DRC8: variants seen among roughly 807,000 people sequenced by gnomAD.
The protein encoded by DRC8 is dynein regulatory complex protein 8.
At chr1:244,999,380 T>C in the DRC8 span, among the ~76,000 whole-genome samples, 1 of 152,206 alleles carries the variant, frequency 6.6e-6, no homozygotes, top group Non-Finnish European at 1.5e-5. Flanking sequence ...TGTCTTTTCC[T>C]GTTTCCCTTT....
chr1:245,008,448 C>T, the DRC8 span, among the ~76,000 whole-genome samples: 3 of 152,024 alleles, frequency 2.0e-5, no homozygotes, highest in Non-Finnish European at 2.9e-5. Context: ...TGCTTCCCAA[C>T]GTGTTACTTT....
At chr1:244,996,774 T>C in the DRC8 span, among the ~76,000 whole-genome samples, 2 of 152,224 alleles carry the variant, frequency 1.3e-5, no homozygotes, top group Admixed American at 6.5e-5. Flanking sequence ...ATTATACTTA[T>C]GTTTAGCAGC....
At chr1:245,050,248 C>T in the DRC8 span, among the ~76,000 whole-genome samples, 1 of 151,976 alleles carries the variant, frequency 6.6e-6, no homozygotes, top group African/African-American at 2.4e-5. Flanking sequence ...TTTCTTTTCC[C>T]TTTTTTTATT....
chr1:245,010,898 G>A, the DRC8 span, among the ~76,000 whole-genome samples: 4 of 151,846 alleles, frequency 2.6e-5, no homozygotes, highest in Non-Finnish European at 5.9e-5. Context: ...AGCCAGGATG[G>A]TCTCGATCTT....
chr1:245,034,512 A>G, the DRC8 span, among the ~76,000 whole-genome samples: 1 of 148,210 alleles, frequency 6.7e-6, no homozygotes, highest in Non-Finnish European at 1.5e-5. Flanking sequence ...GAGGCAGGAG[A>G]ATTGCTTGAA....
the DRC8 span, among the ~76,000 whole-genome samples, chr1:245,017,026 T>A: frequency 6.6e-6 from 1 of 152,178 alleles, no homozygotes; most frequent in Non-Finnish European, 1.5e-5. Flanking sequence ...CAGTGCACCT[T>A]TACCATATGT....
the DRC8 span, among the ~76,000 whole-genome samples, chr1:245,068,915 T>G: frequency 6.6e-6 from 1 of 152,224 alleles, no homozygotes; most frequent in South Asian, 2.1e-4. Context: ...TGATCTCTCT[T>G]CTGTGCATCA....
the DRC8 span, chr1:245,002,134 A>G: frequency 6.2e-7 from 1 of 1,605,096 alleles, no homozygotes; most frequent in Non-Finnish European, 8.5e-7. Flanking sequence ...CTGGGATACA[A>G]CAGTGATGAG....
chr1:245,102,561 G>A, the DRC8 span, among the ~76,000 whole-genome samples: 3 of 152,142 alleles, frequency 2.0e-5, no homozygotes, highest in Non-Finnish European at 2.9e-5. Flanking sequence ...TGATGGCCAG[G>A]CTGGTCTCAA....
the DRC8 span, chr1:245,082,146 ATAC>A: frequency 2.5e-6 from 4 of 1,612,416 alleles, no homozygotes; most frequent in African/African-American, 4.0e-5. Flanking sequence ...GATGACAGAA[ATAC>A]TACTAGAAAG....
the DRC8 span, among the ~76,000 whole-genome samples, chr1:245,075,274 CA>C: frequency 2.0e-5 from 3 of 152,214 alleles, no homozygotes; most frequent in African/African-American, 7.2e-5. Context: ...CTCAGATAGG[CA>C]CTTAACCTCT....
At chr1:245,010,188 C>A in the DRC8 span, among the ~76,000 whole-genome samples, 13,863 of 152,136 alleles carry the variant, frequency 0.091, 819 homozygotes, top group African/African-American at 0.16. Flanking sequence ...TAGGGCCGCA[C>A]AACAAGCTTG....
the DRC8 span, among the ~76,000 whole-genome samples, chr1:245,088,403 T>C: frequency 6.6e-6 from 1 of 151,934 alleles, no homozygotes; most frequent in African/African-American, 2.4e-5. The surrounding 1 kb of genome is among the most constrained non-coding windows in gnomAD (Gnocchi z 4.6). Context: ...TACATAGATG[T>C]AAACATTTAG....
chr1:244,989,419 C>G, the DRC8 span, among the ~76,000 whole-genome samples: 1 of 152,100 alleles, frequency 6.6e-6, no homozygotes, highest in African/African-American at 2.4e-5. Context: ...ACCTCCTTGA[C>G]AGTTTTCAGA....
the DRC8 span, among the ~76,000 whole-genome samples, chr1:245,088,120 C>T: frequency 6.6e-6 from 1 of 152,162 alleles, no homozygotes; most frequent in Non-Finnish European, 1.5e-5. This position sits in a 1 kb window ranked among gnomAD's most constrained non-coding sequence, Gnocchi z 4.6. Flanking sequence ...TGCAAATGTA[C>T]AGCTCCTGAA....
chr1:244,970,479 C>A, the DRC8 span: 2 of 1,522,868 alleles, frequency 1.3e-6, no homozygotes, highest in Non-Finnish European at 1.8e-6. Context: ...CTGCCCTCGC[C>A]GCCCGCCGCG....
the DRC8 span, among the ~76,000 whole-genome samples, chr1:245,076,043 G>T: frequency 6.6e-6 from 1 of 152,202 alleles, no homozygotes; most frequent in African/African-American, 2.4e-5. Flanking sequence ...TAGCAATTCC[G>T]TGCGCTATCT....
At chr1:245,019,838 A>C in the DRC8 span, among the ~76,000 whole-genome samples, 1 of 152,156 alleles carries the variant, frequency 6.6e-6, no homozygotes, top group Non-Finnish European at 1.5e-5. Context: ...GGTGGTGTGC[A>C]CCTGTAGTCC....
the DRC8 span, among the ~76,000 whole-genome samples, chr1:245,036,744 G>A: frequency 6.6e-6 from 1 of 152,194 alleles, no homozygotes; most frequent in African/African-American, 2.4e-5. Context: ...GACACAGAAG[G>A]CCACATGTGT....
Sources: allele counts gnomAD v4.1 joint callset (sites outside exome capture counted in the v4.1 genomes callset), GRCh38; gene constraint gnomAD v4.1.1; non-coding constraint Gnocchi (gnomAD v3.1); transcripts MANE v1.5; gene names NCBI Gene and HGNC (gene_info 2026-07-23, HGNC 2026-07-21).